Variants in SLX4IP observed in about 807,000 individuals in gnomAD.
SLX4IP encodes the protein protein SLX4IP.
A neutral mutation model predicts 32.9 loss-of-function variants in SLX4IP; 34 were observed. The ratio of observed to expected loss-of-function variants is 1.03; its 90% CI spans 0.79 to 1.38. SLX4IP has a LOEUF of 1.38. Ranked by LOEUF, SLX4IP falls within the 40% of genes most tolerant of loss-of-function variation. The pLI is 0.00. For synonymous variants in SLX4IP, 172 were observed against 171.7 expected (o/e 1.00, Z -0.01); for missense variants, 444 against 479.0 (o/e 0.93, Z 0.68).
At chr20:10,601,517 G>T (rs2066841479) in intron 5 of SLX4IP, among the ~76,000 whole-genome samples, 1 of 152,116 alleles carries the variant, frequency 6.6e-6, no homozygotes, top group Non-Finnish European at 1.5e-5. Flanking sequence ...GGCGCAGGTG[G>T]ACCAATTTGC....
chr20:10,446,592 A>AC (rs2065204558), intron 1 of SLX4IP, among the ~76,000 whole-genome samples: 1 of 152,066 alleles, frequency 6.6e-6, no homozygotes, highest in Non-Finnish European at 1.5e-5. Flanking sequence ...CCCACCAGTG[A>AC]TATATGAGAG....
chr20:10,444,331 C>T (rs770576557), intron 1 of SLX4IP, among the ~76,000 whole-genome samples: 1 of 149,188 alleles, frequency 6.7e-6, no homozygotes, highest in South Asian at 2.1e-4. Flanking sequence ...GAGAATGGGA[C>T]GTTTAAGATC....
chr20:10,567,069 G>A (rs1746566531), intron 4 of SLX4IP, among the ~76,000 whole-genome samples: 1 of 152,220 alleles, frequency 6.6e-6, no homozygotes, highest in South Asian at 2.1e-4. Context: ...GCAGAGCTCA[G>A]TCTTGGGTAG....
chr20:10,472,616 G>T (rs997914637), intron 2 of SLX4IP, among the ~76,000 whole-genome samples: 1 of 152,182 alleles, frequency 6.6e-6, no homozygotes, highest in African/African-American at 2.4e-5. Flanking sequence ...GAAAGGCCTG[G>T]GTTTGAACCA....
At chr20:10,614,487 G>A (rs1402407985) in intron 6 of SLX4IP, among the ~76,000 whole-genome samples, 1 of 152,150 alleles carries the variant, frequency 6.6e-6, no homozygotes, top group African/African-American at 2.4e-5. Flanking sequence ...GGATTGGCTG[G>A]TGCACCCCAA....
intron 2 of SLX4IP, among the ~76,000 whole-genome samples, chr20:10,554,788 T>A (rs956194746): frequency 3.3e-5 from 5 of 152,292 alleles, no homozygotes; most frequent in Admixed American, 6.5e-5. Context: ...TTGCTTTTTT[T>A]AAAAATATCA....
chr20:10,490,642 GGA>G (rs1265517296), intron 2 of SLX4IP, among the ~76,000 whole-genome samples: 12 of 152,148 alleles, frequency 7.9e-5, no homozygotes, highest in Non-Finnish European at 1.5e-4. Flanking sequence ...CAGAAAGAAT[GGA>G]GAGACTTGAA....
chr20:10,497,402 T>C (rs1353926079), intron 2 of SLX4IP, among the ~76,000 whole-genome samples: 1 of 152,210 alleles, frequency 6.6e-6, no homozygotes, highest in Non-Finnish European at 1.5e-5. Context: ...GCTTTCACTA[T>C]AGTGTCTAGA....
intron 4 of SLX4IP, among the ~76,000 whole-genome samples, chr20:10,580,863 A>G (rs751439786): frequency 4.6e-5 from 7 of 152,166 alleles, no homozygotes; most frequent in Non-Finnish European, 8.8e-5. Flanking sequence ...AATGCCTCAC[A>G]TATACAGACA....
intron 4 of SLX4IP, among the ~76,000 whole-genome samples, chr20:10,583,336 C>T (rs2066606328): frequency 6.6e-6 from 1 of 152,148 alleles, no homozygotes; most frequent in Non-Finnish European, 1.5e-5. Context: ...CTCTTCAGTT[C>T]CTTTATAGTT....
chr20:10,470,549 G>A (rs796843433), intron 2 of SLX4IP, among the ~76,000 whole-genome samples: 8 of 152,188 alleles, frequency 5.3e-5, no homozygotes, highest in African/African-American at 1.4e-4. Context: ...TCAGACTGTT[G>A]GAAATAATCA....
intron 2 of SLX4IP, among the ~76,000 whole-genome samples, chr20:10,528,098 G>T (rs1490957626): frequency 6.6e-6 from 1 of 152,140 alleles, no homozygotes; most frequent in Non-Finnish European, 1.5e-5. Flanking sequence ...TATGGCTGTT[G>T]TGTAACCATT....
intron 1 of SLX4IP, among the ~76,000 whole-genome samples, chr20:10,454,363 T>A (rs910453225): frequency 6.6e-6 from 1 of 152,200 alleles, no homozygotes; most frequent in Admixed American, 6.5e-5. Flanking sequence ...GGTTTCAGTC[T>A]GCAGTCTGGA....
chr20:10,515,549 C>T lies in SLX4IP; in HGVS notation c.28-40682C>T, dbSNP rs62185062. Among the ~76,000 whole-genome samples, 1,136 of 152,280 alleles carry T rather than the reference C, an allele frequency of 7.5e-3. 11 individuals carry two copies. The highest frequency in any genetic ancestry group is 0.017 in the Middle Eastern group (5 of 294). ...GTTTTGGCTTATTTAAAAGTGTTGGCTCCTTACTCCAAATGAGATCCAGTC... is the reference window on the plus strand; with the variant it reads ...GTTTTGGCTTATTTAAAAGTGTTGGTTCCTTACTCCAAATGAGATCCAGTC... On this transcript the variant is annotated intron_variant, in intron 2 of 7. Transcript: ENST00000334534.
intron 2 of SLX4IP, among the ~76,000 whole-genome samples, chr20:10,515,079 CTTTTTTT>C (rs35576843): frequency 1.2e-5 from 1 of 82,890 alleles, no homozygotes; most frequent in Non-Finnish European, 2.2e-5. Context: ...TAAGTTGAAG[CTTTTTTT>C]TTTTTTTTTT....
intron 3 of SLX4IP, 28 bp from the exon 4 acceptor site, chr20:10,560,672 G>T: frequency 6.8e-7 from 1 of 1,465,290 alleles, no homozygotes; most frequent in South Asian, 1.4e-5. Context: ...AAATTTGAAG[G>T]TTATATCTAA....
chr20:10,534,454 G>C (rs1220721680), intron 2 of SLX4IP, among the ~76,000 whole-genome samples: 2 of 152,134 alleles, frequency 1.3e-5, no homozygotes, highest in Non-Finnish European at 2.9e-5. Flanking sequence ...GTTTCAAAAA[G>C]AGGTACATGA....
chr20:10,502,113 A>C (rs564993633), intron 2 of SLX4IP, among the ~76,000 whole-genome samples: 1 of 152,280 alleles, frequency 6.6e-6, no homozygotes, highest in African/African-American at 2.4e-5. Context: ...GTAACTGCAC[A>C]CCACTGGCAA....
At chr20:10,477,533 C>T (rs1311277609) in intron 2 of SLX4IP, among the ~76,000 whole-genome samples, 1 of 152,162 alleles carries the variant, frequency 6.6e-6, no homozygotes, top group Non-Finnish European at 1.5e-5. Flanking sequence ...TCCCAAAGTG[C>T]TGGGATTACA....
Sources: gnomAD v4.1 joint callset for allele counts (sites outside exome capture counted in the v4.1 genomes callset) on GRCh38, gnomAD v4.1.1 for gene constraint, MANE v1.5 for transcripts, NCBI Gene and HGNC (gene_info 2026-07-23, HGNC 2026-07-21) for gene names.